CTNND2: variants seen among roughly 807,000 people sequenced by gnomAD.
CTNND2 encodes the protein catenin delta 2, also known as catenin delta-2.
In CTNND2, 22 loss-of-function variants were observed where a neutral mutation model predicts 144.4. The ratio of observed to expected loss-of-function variants is 0.15; its 90% CI spans 0.11 to 0.22. CTNND2 has a LOEUF of 0.22. CTNND2 is among the 10% of genes least tolerant of loss of function. The pLI, the probability that CTNND2 is intolerant of heterozygous loss-of-function variation, is 1.00. For missense variants in CTNND2, 1,353 were observed against 1,618.8 expected (o/e 0.84, Z 2.82); for synonymous variants, 751 against 695.6 (o/e 1.08, Z -1.25).
At chr5:11,299,014 C>T (rs541149484) in intron 9 of CTNND2, among the ~76,000 whole-genome samples, 53 of 152,132 alleles carry the variant, frequency 3.5e-4, no homozygotes, top group Non-Finnish European at 6.3e-4. Flanking sequence ...TATAGAAACC[C>T]TTGTGGTACA....
Position 11,384,578 on chromosome 5 carries a change from G to A in CTNND2, c.1177+87C>T. 7.7e-7 allele frequency: 1 copy of A among 1,306,552 alleles called. No individual in the cohort carries two copies. 80.9% of individuals were successfully genotyped at this position (1,306,552 alleles called of 1,614,324 possible). A position where few individuals can be genotyped will look rare whatever the true frequency, so the allele number is the denominator to read the frequency against. The stretch of plus-strand genomic sequence containing the variant: ...TACAACCTGGCAGACAGCGCGCCCG[G>A]CTTCGCTTCTGCTCAAGCCGGGCTG... On this transcript the variant is annotated intron_variant, in intron 7 of 21. Coordinates refer to ENST00000304623, the MANE Select transcript of CTNND2 (RefSeq NM_001332.4). The surrounding 1 kb of genome is among the most constrained non-coding windows in gnomAD (Gnocchi z 5.2).
intron 18 of CTNND2, among the ~76,000 whole-genome samples, chr5:11,014,811 C>T (rs552622625): frequency 2.5e-4 from 38 of 152,292 alleles, no homozygotes; most frequent in African/African-American, 6.3e-4. Flanking sequence ...TTCTGTTCCA[C>T]GGACATGTAA....
At chr5:11,508,564 A>C (rs1771302949) in intron 3 of CTNND2, 1 of 152,180 alleles carries the variant, frequency 6.6e-6, no homozygotes. Flanking sequence ...TTTAATATTC[A>C]TGTGAAGATA....
At chr5:11,168,163 T>G (rs1759539915) in intron 11 of CTNND2, among the ~76,000 whole-genome samples, 1 of 152,198 alleles carries the variant, frequency 6.6e-6, no homozygotes, top group Admixed American at 6.5e-5. Context: ...ATCTATGATC[T>G]CTCTTTTCAT....
intron 2 of CTNND2, among the ~76,000 whole-genome samples, chr5:11,728,780 G>A (rs1000223102): frequency 2.0e-5 from 3 of 151,968 alleles, no homozygotes; most frequent in Non-Finnish European, 2.9e-5. Context: ...TGACTAAAGA[G>A]TTTCCTGAAA....
At chr5:11,205,447 A>G (rs1737945703) in intron 10 of CTNND2, among the ~76,000 whole-genome samples, 2 of 152,340 alleles carry the variant, frequency 1.3e-5, no homozygotes, top group South Asian at 2.1e-4. Flanking sequence ...TGATATAATT[A>G]TTACACATTC....
intron 3 of CTNND2, among the ~76,000 whole-genome samples, chr5:11,478,214 A>C (rs1026671301): frequency 6.6e-6 from 1 of 152,076 alleles, no homozygotes; most frequent in Admixed American, 6.6e-5. Flanking sequence ...TCGTTAAAAA[A>C]TTTCTCCCAC....
chr5:11,235,261 T>G (rs548281799), intron 10 of CTNND2, among the ~76,000 whole-genome samples: 1 of 152,258 alleles, frequency 6.6e-6, no homozygotes, highest in South Asian at 2.1e-4. Flanking sequence ...AAAGTTATAG[T>G]CTTCAAAAAA....
At chr5:11,323,070 G>A (rs1458454397) in intron 9 of CTNND2, among the ~76,000 whole-genome samples, 2 of 152,132 alleles carry the variant, frequency 1.3e-5, no homozygotes, top group Non-Finnish European at 2.9e-5. Flanking sequence ...TCAGGATCTT[G>A]CTGTCTTGCC....
chr5:11,835,973 A>G (rs1279217411), intron 1 of CTNND2, among the ~76,000 whole-genome samples: 1 of 151,934 alleles, frequency 6.6e-6, no homozygotes, highest in East Asian at 1.9e-4. Flanking sequence ...TTCCCCTTTC[A>G]GCACTGCTCT....
chr5:11,830,956 T>C (rs941329197), intron 1 of CTNND2, among the ~76,000 whole-genome samples: 6 of 152,220 alleles, frequency 3.9e-5, no homozygotes, highest in Non-Finnish European at 7.3e-5. Flanking sequence ...CACCAAAGCA[T>C]GAAATATATA....
chr5:11,814,223 T>C (rs1792505936), intron 1 of CTNND2, among the ~76,000 whole-genome samples: 1 of 152,250 alleles, frequency 6.6e-6, no homozygotes, highest in Non-Finnish European at 1.5e-5. Flanking sequence ...TACATAAATA[T>C]AAAATGCATC....
intron 2 of CTNND2, among the ~76,000 whole-genome samples, chr5:11,565,472 A>T (rs994919980): frequency 6.6e-6 from 1 of 152,206 alleles, no homozygotes; most frequent in Non-Finnish European, 1.5e-5. Context: ...TTTTGTGTTT[A>T]TTCCCTACTG....
At chr5:11,613,139 A>G (rs1248394973) in intron 2 of CTNND2, among the ~76,000 whole-genome samples, 6 of 152,184 alleles carry the variant, frequency 3.9e-5, no homozygotes, top group Admixed American at 3.3e-4. Context: ...AGTTTTTGCC[A>G]ATGTCAAGAC....
intron 1 of CTNND2, among the ~76,000 whole-genome samples, chr5:11,864,370 C>T (rs6873547): frequency 0.25 from 37,871 of 152,038 alleles, 4,839 homozygotes; most frequent in Non-Finnish European, 0.28. Context: ...TAAGCAGATG[C>T]GAAATGTGAC....
chr5:11,146,497 C>G (rs1757257542), intron 12 of CTNND2, among the ~76,000 whole-genome samples: 1 of 152,102 alleles, frequency 6.6e-6, no homozygotes, highest in African/African-American at 2.4e-5. Context: ...TCAGTTTTTT[C>G]TTATTTAAAA....
At chr5:11,361,273 G>A (rs887805053) in intron 8 of CTNND2, among the ~76,000 whole-genome samples, 1 of 152,044 alleles carries the variant, frequency 6.6e-6, no homozygotes, top group African/African-American at 2.4e-5. Context: ...TACCCACCTC[G>A]GCCTCCCAAA....
intron 1 of CTNND2, among the ~76,000 whole-genome samples, chr5:11,860,138 T>C (rs4571469): frequency 0.66 from 100,033 of 152,140 alleles, 33,401 homozygotes; most frequent in East Asian, 0.81. Context: ...TGTGAAAACT[T>C]GACAATTTTA....
rs139180769 is a variant in CTNND2 at position 11,533,160 on chromosome 5, G to A, written c.287+31784C>T. 1.7e-4 allele frequency among the ~76,000 whole-genome samples: 26 copies of A among 152,270 alleles called. No individual in the cohort carries two copies. The East Asian group carries it at 4.4e-3, about 26-fold the overall frequency. On this transcript the variant is annotated intron_variant, in intron 3 of 21. Transcript: ENST00000304623. ...GGAGCTCACATTCATATGCATAAAAGGTCAGCCATCTTTTCAAAAATATTG... is the reference window on the plus strand; with the variant it reads ...GGAGCTCACATTCATATGCATAAAAAGTCAGCCATCTTTTCAAAAATATTG...
Sources: allele counts gnomAD v4.1 joint callset (sites outside exome capture counted in the v4.1 genomes callset), GRCh38; gene constraint gnomAD v4.1.1; non-coding constraint Gnocchi (gnomAD v3.1); transcripts MANE v1.5; gene names NCBI Gene and HGNC (gene_info 2026-07-23, HGNC 2026-07-21).